The following SLC5A8 variants were observed in gnomAD, a reference collection of about 807,000 sequenced individuals.
SLC5A8 encodes solute carrier family 5 member 8.
A neutral mutation model predicts 71.9 loss-of-function variants in SLC5A8; 55 were observed. The observed-to-expected ratio is 0.77, with a 90% confidence interval of 0.62 to 0.96. SLC5A8 has a LOEUF of 0.96. Ranked by LOEUF, SLC5A8 falls within the 40% of genes least tolerant of loss-of-function variation. The pLI, the probability that SLC5A8 is intolerant of heterozygous loss-of-function variation, is 0.00. For synonymous variants in SLC5A8, 307 were observed against 276.1 expected (o/e 1.11, Z -1.11); for missense variants, 701 against 745.3 (o/e 0.94, Z 0.69).
intron 10 of SLC5A8, among the ~76,000 whole-genome samples, chr12:101,177,190 T>G (rs1306004410): frequency 6.6e-6 from 1 of 152,016 alleles, no homozygotes; most frequent in East Asian, 1.9e-4. Flanking sequence ...CTCAAAAACA[T>G]AAATTGTCAC....
In SLC5A8 at chr12:101,158,326, CTCCTGG is replaced by C; in HGVS notation, c.1631-4_1632del. ...CTGGGGTCTAAGTTCTGTTTTCTTC[CTCCTGG>C]AAAAAAAAATGTACATGACTTACGT... On this transcript the variant is annotated splice_acceptor_variant and splice_polypyrimidine_tract_variant and coding_sequence_variant and intron_variant, in exon 14 of 15. Transcript: ENST00000536262. LOFTEE classifies it high-confidence loss of function. The C allele has an allele frequency of 6.4e-7, 1 of 1,574,634 alleles. No individual in the cohort carries two copies. Among genetic ancestry groups the C allele is most frequent in the South Asian group, 1.2e-5 (1 of 86,394 alleles).
chr12:101,183,911 G>A (rs1409313874), intron 8 of SLC5A8, among the ~76,000 whole-genome samples: 2 of 152,092 alleles, frequency 1.3e-5, no homozygotes, highest in Non-Finnish European at 2.9e-5. Flanking sequence ...GATGTATGGT[G>A]GTGTATTAGA....
At chr12:101,177,564 A>G (rs1321273800) in intron 10 of SLC5A8, among the ~76,000 whole-genome samples, 1 of 152,106 alleles carries the variant, frequency 6.6e-6, no homozygotes, top group African/African-American at 2.4e-5. Flanking sequence ...ATTAGCACAT[A>G]TAATTCAGCA....
Position 101,166,661 on chromosome 12 carries a change from A to G in SLC5A8, c.1359T>C (p.Ser453=), listed in dbSNP as rs760119031. 1.2e-6 allele frequency: 2 copies of G among 1,612,924 alleles called. No individual in the cohort carries two copies. Among genetic ancestry groups the G allele is most frequent in the South Asian group, 2.2e-5 (2 of 90,790 alleles). The change falls in exon 12 of 15, where the codon TCT becomes TCC. Residue 453 remains serine, a synonymous_variant. Transcript: ENST00000536262. ...LVGLMAGFAI[S]LWVGIGAQIY... The stretch of plus-strand genomic sequence containing the variant: ...TTTGAGCTCCAATTCCAACCCATAG[A>G]GAAATGGCAAATCCAGCCATCAGAC...
chr12:101,184,250 G>A (rs115367634), intron 7 of SLC5A8, 28 bp from the exon 8 acceptor site: 8 of 1,573,068 alleles, frequency 5.1e-6, no homozygotes, highest in Admixed American at 3.4e-5. Context: ...TTATTTCCAA[G>A]TACTTTCGCT....
chr12:101,202,894 G>C (rs1266792659), intron 2 of SLC5A8, among the ~76,000 whole-genome samples: 1 of 152,070 alleles, frequency 6.6e-6, no homozygotes, highest in East Asian at 1.9e-4. Context: ...CAAATTCCAT[G>C]ATTATTCTAT....
chr12:101,200,614 A>T (rs1322820538), intron 3 of SLC5A8, among the ~76,000 whole-genome samples: 3 of 152,134 alleles, frequency 2.0e-5, no homozygotes, highest in Non-Finnish European at 4.4e-5. Context: ...AATTAATATT[A>T]ATATTTTAGG....
chr12:101,202,776 CTT>C (rs1433849225), intron 2 of SLC5A8, among the ~76,000 whole-genome samples: 1 of 152,092 alleles, frequency 6.6e-6, no homozygotes, highest in Non-Finnish European at 1.5e-5. Flanking sequence ...CATTCATACA[CTT>C]AACTATTTAT....
At chr12:101,201,706 A>G (rs1461793601) in intron 3 of SLC5A8, among the ~76,000 whole-genome samples, 2 of 152,200 alleles carry the variant, frequency 1.3e-5, no homozygotes, top group African/African-American at 4.8e-5. Context: ...CATTCAAATC[A>G]CATGGCTCTC....
chr12:101,176,287 C>T (rs1263620683), intron 10 of SLC5A8, among the ~76,000 whole-genome samples: 1 of 151,988 alleles, frequency 6.6e-6, no homozygotes, highest in Non-Finnish European at 1.5e-5. Flanking sequence ...GTTAATCCTT[C>T]ATTAAGACCC....
chr12:101,190,363 T>G, intron 6 of SLC5A8, 105 bp downstream of exon 6: 2 of 1,252,632 alleles, frequency 1.6e-6, no homozygotes, highest in Non-Finnish European at 2.2e-6. Flanking sequence ...TCTTGGAATT[T>G]CATGACACAA....
At chr12:101,194,627 C>T (rs1869079359) in intron 4 of SLC5A8, among the ~76,000 whole-genome samples, 1 of 151,912 alleles carries the variant, frequency 6.6e-6, no homozygotes, top group African/African-American at 2.4e-5. Flanking sequence ...CACCATGCCT[C>T]CTAATTTTAA....
chr12:101,202,693 T>C (rs1009885454), intron 2 of SLC5A8, among the ~76,000 whole-genome samples: 10 of 152,114 alleles, frequency 6.6e-5, no homozygotes, highest in Admixed American at 3.3e-4. Flanking sequence ...AACAAAAGTA[T>C]AAATTTGCAC....
At chr12:101,166,754 A>T in intron 11 of SLC5A8, 55 bp from the exon 12 acceptor site, 2 of 1,472,106 alleles carry the variant, frequency 1.4e-6, no homozygotes, top group Non-Finnish European at 1.8e-6. Context: ...TTTGATGTCA[A>T]AATTAATATT....
chr12:101,198,513 G>A (rs1335360949), intron 3 of SLC5A8, among the ~76,000 whole-genome samples: 1 of 151,864 alleles, frequency 6.6e-6, no homozygotes, highest in Non-Finnish European at 1.5e-5. Context: ...GCAGTTTTAT[G>A]CTAATGAATT....
At position 101,202,227 on chromosome 12, in the gene SLC5A8, A is replaced by G; in HGVS notation, c.418-12T>C. 6.4e-7 allele frequency: 1 copy of G among 1,553,206 alleles called. No individual in the cohort carries two copies. Among genetic ancestry groups the G allele is most frequent in the Non-Finnish European group, 8.7e-7 (1 of 1,154,102 alleles). ...CCAGTATACAGAATCTAGGGGGGAG[A>G]AAGAAAGCCAAATGAATTATATGAA... On this transcript the variant is annotated splice_polypyrimidine_tract_variant and intron_variant, in intron 2 of 14. Coordinates refer to ENST00000536262, the MANE Select transcript of SLC5A8 (RefSeq NM_145913.5).
intron 3 of SLC5A8, among the ~76,000 whole-genome samples, chr12:101,199,841 T>C (rs1218661055): frequency 2.0e-5 from 3 of 151,150 alleles, no homozygotes; most frequent in Non-Finnish European, 4.4e-5. Flanking sequence ...TCATTTCCAA[T>C]GGAAGTGAAA....
At chr12:101,186,834 A>C (rs1340773435) in intron 7 of SLC5A8, among the ~76,000 whole-genome samples, 1 of 152,204 alleles carries the variant, frequency 6.6e-6, no homozygotes, top group African/African-American at 2.4e-5. Context: ...GGTAAGTTAT[A>C]TAACCTCTCT....
chr12:101,193,813 C>A (rs1869038436), intron 4 of SLC5A8, 34 bp from the exon 5 acceptor site: 1 of 1,602,388 alleles, frequency 6.2e-7, no homozygotes, highest in East Asian at 2.2e-5. Flanking sequence ...ATTAATGCTT[C>A]TATTAGACAT....
Sources: gnomAD v4.1 joint callset for allele counts (sites outside exome capture counted in the v4.1 genomes callset) on GRCh38, gnomAD v4.1.1 for gene constraint, MANE v1.5 for transcripts, NCBI Gene and HGNC (gene_info 2026-07-23, HGNC 2026-07-21) for gene names.